Variants in CYFIP1 observed in about 807,000 individuals in gnomAD.
The protein encoded by CYFIP1 is cytoplasmic FMR1 interacting protein 1.
CYFIP1 carries 58 observed loss-of-function variants against 163.5 expected under a neutral mutation model. The observed-to-expected ratio is 0.35, with a 90% CI of 0.29 to 0.44. CYFIP1 has a LOEUF of 0.44. Among genes scored for constraint, CYFIP1 ranks in the 20% least tolerant of loss-of-function variants. CYFIP1 has a pLI of 1.00. For missense variants in CYFIP1, 1,338 were observed against 1,653.8 expected (o/e 0.81, Z 3.31); for synonymous variants, 663 against 660.7 (o/e 1.00, Z -0.05).
At chr15:22,951,761 A>G (rs2062256857) in intron 1 of CYFIP1, among the ~76,000 whole-genome samples, 1 of 152,178 alleles carries the variant, frequency 6.6e-6, no homozygotes, top group African/African-American at 2.4e-5. Flanking sequence ...GCCTCTGCCC[A>G]GGAGAGGCCA....
intron 25 of CYFIP1, among the ~76,000 whole-genome samples, chr15:22,880,756 C>G (rs1177608401): frequency 6.6e-6 from 1 of 152,152 alleles, no homozygotes. Context: ...GCCCGAGTGC[C>G]CCTTCCCCAA....
chr15:22,959,849 A>AAAGGCTAC (rs1462311774), intron 1 of CYFIP1, among the ~76,000 whole-genome samples: 1 of 152,068 alleles, frequency 6.6e-6, no homozygotes, highest in Non-Finnish European at 1.5e-5. Flanking sequence ...GTTGATGACC[A>AAAGGCTAC]AAGGCTACAC....
chr15:22,973,071 G>A (rs1040987910), intron 1 of CYFIP1, among the ~76,000 whole-genome samples: 2 of 152,146 alleles, frequency 1.3e-5, no homozygotes, highest in Non-Finnish European at 2.9e-5. Flanking sequence ...GGGAGACAGA[G>A]GTTGCAGTGA....
chr15:22,948,823 A>AAC (rs372401953), intron 1 of CYFIP1, among the ~76,000 whole-genome samples: 4 of 151,276 alleles, frequency 2.6e-5, no homozygotes, highest in African/African-American at 9.7e-5. Flanking sequence ...AAAAAAAAAA[A>AAC]CCTCAGGAAA....
intron 14 of CYFIP1, among the ~76,000 whole-genome samples, chr15:22,918,239 C>G (rs2061059899): frequency 6.6e-6 from 1 of 152,178 alleles, no homozygotes; most frequent in African/African-American, 2.4e-5. Flanking sequence ...GGGCAGAACA[C>G]AGCCTCCGCA....
intron 1 of CYFIP1, among the ~76,000 whole-genome samples, chr15:22,951,936 C>G (rs941399439): frequency 6.6e-6 from 1 of 151,622 alleles, no homozygotes; most frequent in Non-Finnish European, 1.5e-5. Flanking sequence ...CACCAGATAA[C>G]GCAGCTTGTT....
intron 1 of CYFIP1, among the ~76,000 whole-genome samples, chr15:22,964,208 AGAT>A (rs1283380866): frequency 6.8e-6 from 1 of 146,364 alleles, no homozygotes; most frequent in African/African-American, 2.6e-5. Flanking sequence ...TTTCCCAGCC[AGAT>A]GATGAGCTTA....
chr15:22,955,804 C>A (rs1022167937), intron 1 of CYFIP1, among the ~76,000 whole-genome samples: 1 of 152,160 alleles, frequency 6.6e-6, no homozygotes, highest in Admixed American at 6.5e-5. Context: ...CCAGAGAGAC[C>A]CTGGACCTCA....
In CYFIP1 at chr15:22,867,354, T is replaced by TAA. The variant is rs2059171204; in HGVS notation, c.*2672_*2673dup. 5.1e-6 allele frequency: 2 copies of TAA among 394,790 alleles called. No homozygotes were observed. Among genetic ancestry groups the TAA allele is most frequent in the East Asian group, 3.6e-5 (1 of 27,828 alleles). The allele number at this position is 394,790 out of a possible 1,614,324, so 24.5% of individuals were successfully genotyped here. ...TTTGAAATATTTATTAAGGGAAAAC[T>TAA]AAGTTACTGAATGAAGGAACCTCTT... On this transcript the variant is annotated 3_prime_UTR_variant, in exon 31 of 31. Transcript: ENST00000617928.
At chr15:22,891,665 G>A (rs905743256) in intron 23 of CYFIP1, among the ~76,000 whole-genome samples, 4 of 152,178 alleles carry the variant, frequency 2.6e-5, no homozygotes, top group Admixed American at 1.3e-4. Flanking sequence ...CGAGGCTTGG[G>A]CCCTCCAAAA....
intron 18 of CYFIP1, 50 bp downstream of exon 18, chr15:22,912,129 G>T: frequency 6.8e-7 from 1 of 1,478,456 alleles, no homozygotes; most frequent in Non-Finnish European, 9.3e-7. Flanking sequence ...AAAAGAGAAA[G>T]GAGATTTAAT....
intron 23 of CYFIP1, among the ~76,000 whole-genome samples, chr15:22,885,548 C>T (rs772649200): frequency 2.6e-5 from 4 of 152,112 alleles, no homozygotes; most frequent in East Asian, 3.9e-4. Context: ...CTGGCCAACA[C>T]GGTGAAACTC....
At chr15:22,878,602 T>C (rs1167247770) in intron 26 of CYFIP1, among the ~76,000 whole-genome samples, 2 of 151,216 alleles carry the variant, frequency 1.3e-5, no homozygotes, top group African/African-American at 2.4e-5. Flanking sequence ...TGTAAAGGAA[T>C]GTCTTCATGA....
chr15:22,903,770 G>A lies in CYFIP1; in HGVS notation c.2524C>T (p.His842Tyr). The change falls in exon 22 of 31, where the codon CAC (histidine) becomes TAC (tyrosine). Residue 842 changes from histidine to tyrosine, a missense_variant. Physicochemically the swap from His to Tyr is moderately conservative, Grantham distance 83. Around this residue, in one of 4 missense-constraint regions of CYFIP1, gnomAD observed 824 missense variants for 995.7 expected, o/e 0.83. Coordinates refer to ENST00000617928, the MANE Select transcript of CYFIP1 (RefSeq NM_014608.6). ...TCATAGTTGAGCTCCCAGAAGACGT[G>A]CAGGGTGATCCTCCCGTAGGGCGCT... ...VSAPYGRITLHVFWELNYDFL... is the reference protein window; with the variant it reads ...VSAPYGRITLYVFWELNYDFL... The A allele has an allele frequency of 6.2e-7, 1 of 1,614,206 alleles. No individual in the cohort carries two copies. The highest frequency in any genetic ancestry group is 8.5e-7 in the Non-Finnish European group (1 of 1,180,040).
intron 26 of CYFIP1, among the ~76,000 whole-genome samples, chr15:22,878,473 A>C (rs7182576): frequency 0.74 from 112,781 of 151,880 alleles, 42,269 homozygotes; most frequent in South Asian, 0.85. Flanking sequence ...GGAGGGACAA[A>C]TGGGTCTCCA....
chr15:22,937,030 C>A, intron 9 of CYFIP1, 74 bp downstream of exon 9: 2 of 998,090 alleles, frequency 2.0e-6, no homozygotes, highest in Non-Finnish European at 3.2e-6. Flanking sequence ...CACAGTCACA[C>A]AGGGGCTCAC....
intron 22 of CYFIP1, among the ~76,000 whole-genome samples, chr15:22,897,388 T>G (rs774925249): frequency 2.6e-5 from 4 of 151,948 alleles, no homozygotes; most frequent in Non-Finnish European, 5.9e-5. Flanking sequence ...CTGCTGGATC[T>G]TGTCATGATG....
At position 22,917,211 on chromosome 15, in the gene CYFIP1, C is replaced by A. The variant is rs2061015800; in HGVS notation, c.1674+577G>T. Reference sequence around the variant, plus strand: ...AGCCAGCAGCGTGCATTGCTGGTGACTTTCCAGAAGAGTGGCAGAAGAGAT... The same window carrying A: ...AGCCAGCAGCGTGCATTGCTGGTGAATTTCCAGAAGAGTGGCAGAAGAGAT... On this transcript the variant is annotated intron_variant, in intron 15 of 30. Transcript: ENST00000617928. The surrounding 1 kb of genome is among the most constrained non-coding windows in gnomAD (Gnocchi z 4.2). 2 of 1,418,030 alleles carry A rather than the reference C, an allele frequency of 1.4e-6. No individual in the cohort carries two copies. 87.8% of individuals were successfully genotyped at this position (1,418,030 alleles called of 1,614,324 possible).
At chr15:22,971,633 G>A (rs575941983) in intron 1 of CYFIP1, among the ~76,000 whole-genome samples, 2 of 151,374 alleles carry the variant, frequency 1.3e-5, no homozygotes, top group Non-Finnish European at 2.9e-5. Context: ...CCAAGATTGC[G>A]CCATTGCACT....
Sources: allele counts gnomAD v4.1 joint callset (sites outside exome capture counted in the v4.1 genomes callset), GRCh38; gene constraint gnomAD v4.1.1; regional missense constraint gnomAD v4.1.1; non-coding constraint Gnocchi (gnomAD v3.1); transcripts MANE v1.5; gene names NCBI Gene and HGNC (gene_info 2026-07-23, HGNC 2026-07-21).